SUCLG2: variants seen among roughly 807,000 people sequenced by gnomAD.
SUCLG2 encodes succinate-CoA ligase GDP-forming subunit beta, also known as succinate--CoA ligase [GDP-forming] subunit beta, mitochondrial.
In SUCLG2, 42 loss-of-function variants were observed where a neutral mutation model predicts 47.9. That is an observed-to-expected ratio of 0.88 (90% CI 0.69 to 1.14). The LOEUF (loss-of-function observed/expected upper bound fraction) is 1.14. SUCLG2 is among the 50% of genes most tolerant of loss of function. SUCLG2 has a pLI of 0.00. For synonymous variants in SUCLG2, 195 were observed against 197.3 expected, an observed-to-expected ratio of 0.99 and a Z score of 0.10; for missense variants, 571 against 525.9, an observed-to-expected ratio of 1.09 and a Z score of -0.84.
At chr3:67,377,893 C>T (rs1352983552) in intron 10 of SUCLG2, among the ~76,000 whole-genome samples, 2 of 152,128 alleles carry the variant, frequency 1.3e-5, no homozygotes, top group African/African-American at 2.4e-5. Flanking sequence ...AACTCAAGGA[C>T]TCCATCTGCC....
At chr3:67,507,769 A>G (rs1413833502) in intron 7 of SUCLG2, among the ~76,000 whole-genome samples, 1 of 152,244 alleles carries the variant, frequency 6.6e-6, no homozygotes, top group African/African-American at 2.4e-5. Context: ...CCAGTTAACA[A>G]TTCAATGCAA....
At chr3:67,535,088 G>A (rs1411874993) in intron 2 of SUCLG2, among the ~76,000 whole-genome samples, 2 of 152,074 alleles carry the variant, frequency 1.3e-5, no homozygotes, top group Non-Finnish European at 2.9e-5. Context: ...AAGATGAAAA[G>A]CATTTATGAA....
At chr3:67,423,805 G>A (rs1472860913) in intron 9 of SUCLG2, among the ~76,000 whole-genome samples, 2 of 152,092 alleles carry the variant, frequency 1.3e-5, no homozygotes, top group African/African-American at 4.8e-5. Context: ...AGTGAGTTTT[G>A]CTCCTAAAAC....
intron 2 of SUCLG2, among the ~76,000 whole-genome samples, chr3:67,550,462 A>G (rs921817733): frequency 6.6e-6 from 1 of 151,950 alleles, no homozygotes; most frequent in Admixed American, 6.6e-5. Flanking sequence ...TCAGCCTCCC[A>G]AGTAACTGGG....
chr3:67,454,937 G>A (rs1318179499), intron 9 of SUCLG2, among the ~76,000 whole-genome samples: 1 of 144,212 alleles, frequency 6.9e-6, no homozygotes, highest in African/African-American at 2.6e-5. Context: ...ACTCCAGCCT[G>A]GGCGACAGAG....
chr3:67,416,535 A>C (rs1703043557), intron 9 of SUCLG2, among the ~76,000 whole-genome samples: 1 of 152,128 alleles, frequency 6.6e-6, no homozygotes, highest in South Asian at 2.1e-4. Flanking sequence ...AATATGAGAC[A>C]ATTTGGTATC....
intron 1 of SUCLG2, among the ~76,000 whole-genome samples, chr3:67,650,163 A>G (rs1349127194): frequency 6.6e-6 from 1 of 152,220 alleles, no homozygotes; most frequent in Non-Finnish European, 1.5e-5. Flanking sequence ...AAAGTCAAAT[A>G]TTTATTCTCC....
At position 67,374,887 on chromosome 3, in the gene SUCLG2, T is replaced by C. The variant is rs949917842; in HGVS notation, c.*857A>G. Reference sequence around the variant, plus strand: ...CTTTCTACCATAAACTGGTAGATTCTGGGAGGATGAGGAGTAAGAGAGAAA... The same window carrying C: ...CTTTCTACCATAAACTGGTAGATTCCGGGAGGATGAGGAGTAAGAGAGAAA... On this transcript the variant is annotated 3_prime_UTR_variant, in exon 11 of 11. Coordinates refer to ENST00000307227, the MANE Select transcript of SUCLG2 (RefSeq NM_003848.4). 1.4e-4 allele frequency: 134 copies of C among 985,204 alleles called. No homozygotes were observed. Among genetic ancestry groups the C allele is most frequent in the Non-Finnish European group, 1.5e-4 (121 of 829,876 alleles). 61.0% of individuals were successfully genotyped at this position (985,204 alleles called of 1,614,324 possible).
chr3:67,462,312 C>T (rs1704357113), intron 9 of SUCLG2, among the ~76,000 whole-genome samples: 4 of 152,128 alleles, frequency 2.6e-5, no homozygotes, highest in African/African-American at 9.7e-5. Context: ...CCGAAGGGGT[C>T]CTGTGTCATA....
intron 2 of SUCLG2, among the ~76,000 whole-genome samples, chr3:67,566,308 C>T (rs917932825): frequency 1.3e-5 from 2 of 152,054 alleles, no homozygotes; most frequent in African/African-American, 4.8e-5. Flanking sequence ...CGTTTTAATT[C>T]ATCAAATGAG....
At chr3:67,592,182 C>T (rs924279334) in intron 2 of SUCLG2, among the ~76,000 whole-genome samples, 1 of 152,148 alleles carries the variant, frequency 6.6e-6, no homozygotes, top group South Asian at 2.1e-4. Context: ...GTATTTAGAA[C>T]CCAGAAGGTC....
chr3:67,395,022 G>A (rs929313269), intron 10 of SUCLG2, among the ~76,000 whole-genome samples: 3 of 152,044 alleles, frequency 2.0e-5, no homozygotes, highest in African/African-American at 4.8e-5. Context: ...CCTGAAGGAA[G>A]CACTAAACAT....
downstream of SUCLG2, among the ~76,000 whole-genome samples, chr3:67,371,334 T>C (rs375215988): frequency 1.7e-4 from 26 of 152,308 alleles, no homozygotes; most frequent in East Asian, 3.9e-3. Context: ...ACTTAGAATA[T>C]GAAAATATGA....
At chr3:67,619,210 G>A (rs1433264570) in intron 1 of SUCLG2, among the ~76,000 whole-genome samples, 1 of 152,140 alleles carries the variant, frequency 6.6e-6, no homozygotes, top group African/African-American at 2.4e-5. Context: ...GAACATTTCT[G>A]AGTCCCATGA....
chr3:67,572,897 C>T lies in SUCLG2; in HGVS notation c.226+36558G>A, dbSNP rs548156145. ...CATAACATGGCCTATTCACAGAAGA[C>T]ATAGTTCTGTATAGAGAAAATGTTA... On this transcript the variant is annotated intron_variant, in intron 2 of 10. Coordinates refer to ENST00000307227, the MANE Select transcript of SUCLG2 (RefSeq NM_003848.4). Among the ~76,000 whole-genome samples, 6 of 151,986 alleles carry T rather than the reference C, an allele frequency of 3.9e-5. No homozygotes were observed. The East Asian group carries it at 1.2e-3, about 29-fold the overall frequency.
At chr3:67,410,948 T>C (rs76549950) in intron 9 of SUCLG2, among the ~76,000 whole-genome samples, 3,513 of 152,268 alleles carry the variant, frequency 0.023, 123 homozygotes, top group African/African-American at 0.08. Flanking sequence ...ATTGGCACAT[T>C]CTTTCTGAGC....
At chr3:67,394,057 C>A (rs1233408120) in intron 10 of SUCLG2, among the ~76,000 whole-genome samples, 1 of 152,070 alleles carries the variant, frequency 6.6e-6, no homozygotes, top group Non-Finnish European at 1.5e-5. Context: ...GTAGATAAAA[C>A]CACAAAGATG....
chr3:67,570,035 C>G (rs2107234483), intron 2 of SUCLG2, among the ~76,000 whole-genome samples: 1 of 152,156 alleles, frequency 6.6e-6, no homozygotes, highest in Admixed American at 6.5e-5. Context: ...TAGGAAGGGA[C>G]CTAATCCAAT....
At chr3:67,490,323 T>G (rs1354501253) in intron 9 of SUCLG2, among the ~76,000 whole-genome samples, 2 of 152,216 alleles carry the variant, frequency 1.3e-5, no homozygotes, top group Non-Finnish European at 2.9e-5. Context: ...GTAAGGCATT[T>G]GCATATACCT....
Sources: allele counts gnomAD v4.1 joint callset (sites outside exome capture counted in the v4.1 genomes callset), GRCh38; gene constraint gnomAD v4.1.1; transcripts MANE v1.5; gene names NCBI Gene and HGNC (gene_info 2026-07-23, HGNC 2026-07-21).